Variants in ZC3H3 observed in about 807,000 individuals in gnomAD.
ZC3H3 encodes zinc finger CCCH-type containing 3.
ZC3H3 carries 36 observed loss-of-function variants against 77.3 expected under a neutral mutation model. That is an observed-to-expected ratio of 0.47 (90% CI 0.36 to 0.61). ZC3H3 has a LOEUF of 0.61. ZC3H3 is among the 20% of genes least tolerant of loss of function. ZC3H3 has a pLI of 0.00. For missense variants in ZC3H3, 1,331 were observed against 1,312.2 expected (o/e 1.01, Z -0.22); for synonymous variants, 626 against 555.2 (o/e 1.13, Z -1.79).
chr8:143,439,876 C>T, intron 11 of ZC3H3, among the ~76,000 whole-genome samples, 165 bp downstream of exon 11: 2 of 115,134 alleles, frequency 1.7e-5, no homozygotes, highest in East Asian at 2.2e-4. Flanking sequence ...ATGCTGCCTA[C>T]CTGAGTCCTT....
At chr8:143,477,358 G>A (rs1448790313) in intron 4 of ZC3H3, among the ~76,000 whole-genome samples, 2 of 152,128 alleles carry the variant, frequency 1.3e-5, no homozygotes, top group Non-Finnish European at 2.9e-5. Flanking sequence ...GTGGTCTGCT[G>A]GCCCCCACCT....
In ZC3H3 at chr8:143,530,495, C is replaced by A. The variant is rs1345187237; in HGVS notation, c.1561+5762G>T. On this transcript the variant is annotated intron_variant, in intron 3 of 11. Coordinates refer to ENST00000262577, the MANE Select transcript of ZC3H3 (RefSeq NM_015117.3). The surrounding 1 kb of genome is among the most constrained non-coding windows in gnomAD (Gnocchi z 4.3). ...TAGGAATCCCATCACCTCCCGCCAC[C>A]AAGAAGCTCCCCAGCCTGGGCACAG... is the stretch of plus-strand genomic sequence containing the variant. 6.6e-6 allele frequency among the ~76,000 whole-genome samples: 1 copy of A among 152,128 alleles called. No homozygotes were observed. The highest frequency in any genetic ancestry group is 2.4e-5 in the African/African-American group (1 of 41,416).
intron 3 of ZC3H3, among the ~76,000 whole-genome samples, chr8:143,534,762 G>C (rs1314193999): frequency 6.6e-6 from 1 of 152,128 alleles, no homozygotes; most frequent in Admixed American, 6.5e-5. Context: ...TGGCCACCAG[G>C]GACCGCATGG....
intron 4 of ZC3H3, among the ~76,000 whole-genome samples, chr8:143,487,720 T>G (rs1234470756): frequency 2.0e-3 from 25 of 12,236 alleles, no homozygotes; most frequent in African/African-American, 2.3e-3. Context: ...CCCGCTACAC[T>G]GCCCCATCAC....
At chr8:143,479,053 G>C (rs954799317) in intron 4 of ZC3H3, among the ~76,000 whole-genome samples, 1 of 152,198 alleles carries the variant, frequency 6.6e-6, no homozygotes, top group Admixed American at 6.5e-5. Flanking sequence ...CCGGGAATGG[G>C]GCAGGGCGCT....
intron 1 of ZC3H3, among the ~76,000 whole-genome samples, chr8:143,539,549 T>C (rs1035822939): frequency 6.6e-6 from 1 of 152,158 alleles, no homozygotes; most frequent in Non-Finnish European, 1.5e-5. Context: ...TCCACTTCAG[T>C]CCTACTTCTG....
intron 4 of ZC3H3, among the ~76,000 whole-genome samples, chr8:143,505,919 G>A (rs1009368377): frequency 5.9e-5 from 9 of 152,208 alleles, no homozygotes; most frequent in Non-Finnish European, 1.0e-4. Context: ...AGAGAGTCAC[G>A]GCCGCTCCCT....
chr8:143,531,326 C>T lies in ZC3H3; in HGVS notation c.1561+4931G>A, dbSNP rs552689639. Reference sequence around the variant, plus strand: ...CCCAGGAGAAAAGGGAAGGAAGAAACGGAAGGCAAGGGGCACACTGACAGC... The same window carrying T: ...CCCAGGAGAAAAGGGAAGGAAGAAATGGAAGGCAAGGGGCACACTGACAGC... On this transcript the variant is annotated intron_variant, in intron 3 of 11. Coordinates refer to ENST00000262577, the MANE Select transcript of ZC3H3 (RefSeq NM_015117.3). 1.9e-4 allele frequency among the ~76,000 whole-genome samples: 29 copies of T among 152,232 alleles called. No individual in the cohort carries two copies. The East Asian group carries it at 3.3e-3, about 17-fold the overall frequency.
At chr8:143,468,737 G>A (rs954348331) in intron 5 of ZC3H3, 78 bp from the exon 6 acceptor site, 182 of 1,487,498 alleles carry the variant, frequency 1.2e-4, no homozygotes, top group Non-Finnish European at 1.3e-4. Flanking sequence ...CCCCTTAGTC[G>A]AGGCCCTCAG....
intron 4 of ZC3H3, among the ~76,000 whole-genome samples, chr8:143,482,340 T>C (rs997022401): frequency 2.0e-5 from 3 of 152,222 alleles, no homozygotes; most frequent in East Asian, 3.9e-4. Context: ...AGGGGCCGTA[T>C]CTGCAAAGAC....
rs1228661175 is a variant in ZC3H3 at position 143,475,547 on chromosome 8, C to G, written c.1754G>C (p.Gly585Ala). 6.2e-7 allele frequency: 1 copy of G among 1,609,398 alleles called. No homozygotes were observed. The highest frequency in any genetic ancestry group is 8.5e-7 in the Non-Finnish European group (1 of 1,178,566). ...GGAGCCCGGTTGGGCTTTCCCACCC[C>G]CGCTGGCAACTGGACGCAGGCGGTT... ...VLNRLRPVAS[G>A]GGKAQPGSPW... Residue 585 changes from glycine (G) to alanine (A), a missense_variant, in exon 5 of 12, where the codon GGG (glycine) becomes GCG (alanine). This residue lies in a region of ZC3H3 where 978 missense variants were observed against 915.5 expected (regional missense o/e 1.07). Transcript: ENST00000262577.
intron 3 of ZC3H3, among the ~76,000 whole-genome samples, chr8:143,517,492 A>C (rs1822097375): frequency 6.6e-6 from 1 of 152,162 alleles, no homozygotes; most frequent in Non-Finnish European, 1.5e-5. Flanking sequence ...TGCAGGCTGC[A>C]GCGAAGGACA....
Position 143,460,678 on chromosome 8 carries a change from G to A in ZC3H3, c.2307+5039C>T, listed in dbSNP as rs777972219. ...CAGCACACGAAGGAACTAACAAAAC[G>A]CAGTGCACACACAACGGAATGTTAC... On this transcript the variant is annotated intron_variant, in intron 9 of 11. Transcript: ENST00000262577. This position sits in a 1 kb window ranked among gnomAD's most constrained non-coding sequence, Gnocchi z 4.0. 5.3e-5 allele frequency among the ~76,000 whole-genome samples: 8 copies of A among 152,104 alleles called. No homozygotes were observed. The highest frequency in any genetic ancestry group is 2.1e-4 in the South Asian group (1 of 4,832).
chr8:143,499,042 G>A (rs990706645), intron 4 of ZC3H3, among the ~76,000 whole-genome samples: 1 of 152,088 alleles, frequency 6.6e-6, no homozygotes, highest in Non-Finnish European at 1.5e-5. Flanking sequence ...CCCCAAGAAG[G>A]GGCGGAGAGC....
chr8:143,480,069 A>G (rs1820867165), intron 4 of ZC3H3, among the ~76,000 whole-genome samples: 2 of 152,166 alleles, frequency 1.3e-5, no homozygotes, highest in African/African-American at 4.8e-5. Context: ...GAGTGCTGCC[A>G]GCCTCGCTAG....
chr8:143,504,722 C>T (rs1380582840), intron 4 of ZC3H3, among the ~76,000 whole-genome samples: 12 of 152,298 alleles, frequency 7.9e-5, no homozygotes, highest in Admixed American at 4.6e-4. Flanking sequence ...GTCAGCCTGG[C>T]CTTCACACAC....
rs376381790 is a variant in ZC3H3, at chr8:143,494,555, G to A, written c.1715+13191C>T. 1.5e-4 allele frequency among the ~76,000 whole-genome samples: 23 copies of A among 152,178 alleles called. No homozygotes were observed. Among genetic ancestry groups the A allele is most frequent in the East Asian group, 1.2e-3 (6 of 5,190 alleles). On this transcript the variant is annotated intron_variant, in intron 4 of 11. Transcript: ENST00000262577. This position sits in a 1 kb window ranked among gnomAD's most constrained non-coding sequence, Gnocchi z 5.3. ...GGTCAGGGCCTCAGAGCACAGCGGC[G>A]CCGGCAGAACCCAGAGCGAGGGCCA...
chr8:143,508,679 T>C (rs2924507), intron 3 of ZC3H3, among the ~76,000 whole-genome samples: 5,706 of 152,010 alleles, frequency 0.038, 326 homozygotes, highest in African/African-American at 0.13. Context: ...CCCAACAGCT[T>C]CCCTGGCAGC....
At chr8:143,516,328 G>T (rs1822039803) in intron 3 of ZC3H3, among the ~76,000 whole-genome samples, 1 of 152,188 alleles carries the variant, frequency 6.6e-6, no homozygotes, top group Non-Finnish European at 1.5e-5. Context: ...ATGTGGTGGT[G>T]GCCAGGAGCA....
Sources: allele counts gnomAD v4.1 joint callset (sites outside exome capture counted in the v4.1 genomes callset), GRCh38; gene constraint gnomAD v4.1.1; regional missense constraint gnomAD v4.1.1; non-coding constraint Gnocchi (gnomAD v3.1); transcripts MANE v1.5; gene names NCBI Gene and HGNC (gene_info 2026-07-23, HGNC 2026-07-21).